The following PLPPR4 variants were observed in gnomAD, a reference collection of about 807,000 sequenced individuals.
The protein encoded by PLPPR4 is phospholipid phosphatase related 4.
Under a neutral mutation model 56.6 loss-of-function variants are expected in PLPPR4, and 24 were observed. That is an observed-to-expected ratio of 0.42 (90% CI 0.31 to 0.60). PLPPR4 has a LOEUF of 0.60. PLPPR4 is among the 20% of genes least tolerant of loss of function. The probability of loss-of-function intolerance (pLI) is 0.13; values close to 1 mark genes in which losing one functional copy is unlikely to be tolerated. For missense variants in PLPPR4, 654 were observed against 885.8 expected (o/e 0.74, Z 3.32); for synonymous variants, 326 against 328.1 (o/e 0.99, Z 0.07).
rs964417378 is a variant in PLPPR4, at chr1:99,305,877, A to G, written c.1015A>G (p.Thr339Ala). 6.2e-7 allele frequency: 1 copy of G among 1,614,136 alleles called. No homozygotes were observed. Among genetic ancestry groups the G allele is most frequent in the African/African-American group, 1.3e-5 (1 of 75,034 alleles). Residue 339 changes from threonine to alanine, a missense_variant, in exon 7 of 7, where the codon ACA becomes GCA. Thr to Ala is a moderately conservative substitution (Grantham distance 58). Coordinates refer to ENST00000370185, the MANE Select transcript of PLPPR4 (RefSeq NM_014839.5). Reference sequence around the variant, plus strand: ...AAACCACAGAGATGCTAGCTCTCTGACAAATCTCAAAAGAGCAAATGCTGA... The same window carrying G: ...AAACCACAGAGATGCTAGCTCTCTGGCAAATCTCAAAAGAGCAAATGCTGA... Reference protein sequence around the residue: ...NRNHRDASSLTNLKRANADVE... With the variant: ...NRNHRDASSLANLKRANADVE...
chr1:99,283,464 A>G lies in PLPPR4; in HGVS notation c.79-4501A>G, dbSNP rs115702461. 9.5e-3 allele frequency among the ~76,000 whole-genome samples: 1,453 copies of G among 152,366 alleles called. 21 individuals are homozygous for G. The highest frequency in any genetic ancestry group is 0.033 in the African/African-American group (1,390 of 41,584). ...TTGTCTTTTTAAAGTTGGCATCAGA[A>G]AAATCAATGTTATCTAGCAAATGTG... is the stretch of plus-strand genomic sequence containing the variant. On this transcript the variant is annotated intron_variant, in intron 1 of 6. Transcript: ENST00000370185.
intron 1 of PLPPR4, among the ~76,000 whole-genome samples, chr1:99,282,311 T>A (rs931550676): frequency 6.6e-6 from 1 of 152,120 alleles, no homozygotes; most frequent in Non-Finnish European, 1.5e-5. Flanking sequence ...ATATCAACAA[T>A]CTGCCGATTT....
At chr1:99,294,628 G>A (rs755352960) in intron 2 of PLPPR4, among the ~76,000 whole-genome samples, 9 of 151,252 alleles carry the variant, frequency 6.0e-5, no homozygotes, top group Non-Finnish European at 1.2e-4. Flanking sequence ...CCCAGGAGGC[G>A]GAGGTTGCAG....
At chr1:99,270,056 G>T (rs932949715) in intron 1 of PLPPR4, among the ~76,000 whole-genome samples, 3 of 136,942 alleles carry the variant, frequency 2.2e-5, no homozygotes, top group African/African-American at 8.2e-5. Flanking sequence ...GCAGGGTCTT[G>T]CTCTGTCACC....
At chr1:99,296,949 C>T (rs1040691457) in intron 3 of PLPPR4, 82 bp downstream of exon 3, 39 of 1,249,410 alleles carry the variant, frequency 3.1e-5, no homozygotes, top group East Asian at 5.5e-5. Flanking sequence ...TATTAAGTCT[C>T]GTACGCTATA....
At chr1:99,271,477 G>C (rs1317878312) in intron 1 of PLPPR4, among the ~76,000 whole-genome samples, 1 of 152,136 alleles carries the variant, frequency 6.6e-6, no homozygotes, top group Admixed American at 6.5e-5. Flanking sequence ...CTGTGACTTG[G>C]CTAGCTTCAT....
chr1:99,306,263 C>T lies in PLPPR4; in HGVS notation c.1401C>T (p.Ser467=), dbSNP rs1350074206. The T allele has an allele frequency of 6.2e-7, 1 of 1,614,078 alleles. No individual in the cohort carries two copies. The highest frequency in any genetic ancestry group is 8.5e-7 in the Non-Finnish European group (1 of 1,180,036). ...QPGAVPGCNN[S]MPGGPRVSIQ... is the part of the protein sequence containing the mutation. ...GCGCTGTCCCCGGATGTAACAACAG[C>T]ATGCCTGGAGGGCCAAGAGTGTCCA... Residue 467 remains serine (S), a synonymous_variant, in exon 7 of 7, where the codon AGC becomes AGT. Transcript: ENST00000370185. The surrounding 1 kb of genome is among the most constrained non-coding windows in gnomAD (Gnocchi z 4.0).
At chr1:99,270,078 G>T (rs1300681136) in intron 1 of PLPPR4, among the ~76,000 whole-genome samples, 1 of 148,870 alleles carries the variant, frequency 6.7e-6, no homozygotes, top group Non-Finnish European at 1.5e-5. Flanking sequence ...AGGCTGGATT[G>T]CAGTGGCATG....
At chr1:99,290,871 T>G (rs1659599196) in intron 2 of PLPPR4, among the ~76,000 whole-genome samples, 1 of 151,796 alleles carries the variant, frequency 6.6e-6, no homozygotes, top group Admixed American at 6.6e-5. Context: ...ACCATTCAAG[T>G]CATAGGCACA....
intron 1 of PLPPR4, among the ~76,000 whole-genome samples, chr1:99,284,241 G>A (rs1659409941): frequency 5.3e-5 from 8 of 152,102 alleles, no homozygotes; most frequent in Admixed American, 5.2e-4. Context: ...AGGTAACTCT[G>A]AAGACAATTA....
chr1:99,295,021 A>G (rs970867745), intron 2 of PLPPR4, among the ~76,000 whole-genome samples: 9 of 152,234 alleles, frequency 5.9e-5, no homozygotes, highest in African/African-American at 2.2e-4. Flanking sequence ...ACTATGTTGT[A>G]TCTGTCTACA....
rs1220272345 is a variant in PLPPR4 at position 99,305,792 on chromosome 1, A to T, written c.930A>T (p.Leu310Phe). 2 of 1,614,120 alleles carry T rather than the reference A, an allele frequency of 1.2e-6. No homozygotes were observed. Among genetic ancestry groups the T allele is most frequent in the Non-Finnish European group, 1.7e-6 (2 of 1,180,018 alleles). The change falls in exon 7 of 7, where the codon TTA (leucine) becomes TTT (phenylalanine). Residue 310 changes from leucine to phenylalanine, a missense_variant. Physicochemically the swap from Leu to Phe is conservative, Grantham distance 22. Coordinates refer to ENST00000370185, the MANE Select transcript of PLPPR4 (RefSeq NM_014839.5). Reference protein sequence around the residue: ...TDLNQDPNRLLSAKNGSSSDG... With the variant: ...TDLNQDPNRLFSAKNGSSSDG... ...TCAATCAAGATCCCAACCGACTTTTATCTGCTAAAAATGGTAGCAGCAGTG... is the reference window on the plus strand; with the variant it reads ...TCAATCAAGATCCCAACCGACTTTTTTCTGCTAAAAATGGTAGCAGCAGTG...
At chr1:99,278,782 T>C (rs36074692) in intron 1 of PLPPR4, among the ~76,000 whole-genome samples, 13 of 152,206 alleles carry the variant, frequency 8.5e-5, no homozygotes, top group Non-Finnish European at 1.9e-4. Context: ...TGTGATTGCA[T>C]TGGTCCTTTT....
At position 99,308,279 on chromosome 1, in the gene PLPPR4, G is replaced by A. The variant is rs1294259608; in HGVS notation, c.*1269G>A. On this transcript the variant is annotated 3_prime_UTR_variant, in exon 7 of 7. Coordinates refer to ENST00000370185, the MANE Select transcript of PLPPR4 (RefSeq NM_014839.5). ...AAAAAATGCATGTTGGTAAGTAAAA[G>A]TATCTCACGGTACAAATTAAGAATG... 1 of 151,952 alleles carries A rather than the reference G, an allele frequency of 6.6e-6. No individual in the cohort carries two copies. The highest frequency in any genetic ancestry group is 1.5e-5 in the Non-Finnish European group (1 of 68,006). 9.4% of individuals were successfully genotyped at this position (151,952 alleles called of 1,614,324 possible).
chr1:99,306,957 A>G lies in PLPPR4; in HGVS notation c.2095A>G (p.Thr699Ala). 2 of 1,612,754 alleles carry G rather than the reference A, an allele frequency of 1.2e-6. No individual in the cohort carries two copies. The highest frequency in any genetic ancestry group is 1.3e-5 in the African/African-American group (1 of 75,028). Residue 699 changes from threonine (T) to alanine (A), a missense_variant, in exon 7 of 7, where the codon ACT becomes GCT. Transcript: ENST00000370185. This position sits in a 1 kb window ranked among gnomAD's most constrained non-coding sequence, Gnocchi z 4.0. ...IPERSNSPEN[T>A]RNIFYKGTSP... is the part of the protein sequence containing the mutation. ...TGAAAGAAGCAACAGCCCCGAAAAC[A>G]CTAGAAATATCTTCTACAAAGGAAC...
At chr1:99,266,838 T>A (rs937973240) in intron 1 of PLPPR4, among the ~76,000 whole-genome samples, 2 of 152,272 alleles carry the variant, frequency 1.3e-5, no homozygotes, top group Non-Finnish European at 2.9e-5. Flanking sequence ...TTTAAGGGTT[T>A]GACCACATGC....
intron 3 of PLPPR4, among the ~76,000 whole-genome samples, chr1:99,298,530 T>C (rs543592192): frequency 1.3e-5 from 2 of 152,288 alleles, no homozygotes; most frequent in East Asian, 3.9e-4. Flanking sequence ...CGTTAGGGCC[T>C]GTCTGACTTC....
At chr1:99,295,738 G>A (rs746117630) in intron 2 of PLPPR4, among the ~76,000 whole-genome samples, 10 of 152,180 alleles carry the variant, frequency 6.6e-5, no homozygotes, top group Admixed American at 2.0e-4. Flanking sequence ...TAGCAAATGT[G>A]AGTCCCACAG....
intron 1 of PLPPR4, among the ~76,000 whole-genome samples, chr1:99,285,688 A>C (rs1466475779): frequency 6.6e-6 from 1 of 152,198 alleles, no homozygotes; most frequent in Admixed American, 6.5e-5. Context: ...AGAAGACATA[A>C]TGCTGTCTTC....
Sources: allele counts gnomAD v4.1 joint callset (sites outside exome capture counted in the v4.1 genomes callset), GRCh38; gene constraint gnomAD v4.1.1; non-coding constraint Gnocchi (gnomAD v3.1); transcripts MANE v1.5; gene names NCBI Gene and HGNC (gene_info 2026-07-23, HGNC 2026-07-21).